The following GPHN variants were observed in gnomAD, a reference collection of about 807,000 sequenced individuals.
GPHN encodes gephyrin.
A neutral mutation model predicts 95.5 loss-of-function variants in GPHN; 17 were observed. The ratio of observed to expected loss-of-function variants is 0.18; its 90% CI spans 0.12 to 0.27. GPHN has a LOEUF of 0.27. Ranked by LOEUF, GPHN falls within the 10% of genes least tolerant of loss-of-function variation. The pLI is 1.00. For synonymous variants in GPHN, 320 were observed against 322.5 expected (o/e 0.99, Z 0.08); for missense variants, 660 against 978.1 (o/e 0.67, Z 4.34).
chr14:66,935,951 C>CTGG (rs2067110929), intron 8 of GPHN, among the ~76,000 whole-genome samples: 1 of 152,082 alleles, frequency 6.6e-6, no homozygotes, highest in Admixed American at 6.5e-5. Context: ...AGTGGCTGAA[C>CTGG]TGGTATTCAA....
intron 2 of GPHN, among the ~76,000 whole-genome samples, chr14:66,683,984 A>G (rs1469302808): frequency 6.6e-6 from 1 of 152,108 alleles, no homozygotes; most frequent in Non-Finnish European, 1.5e-5. Flanking sequence ...TCAAAAAAAA[A>G]AAAAAACTCC....
the GPHN span, among the ~76,000 whole-genome samples, chr14:67,190,400 T>C: frequency 6.6e-6 from 1 of 151,542 alleles, no homozygotes; most frequent in South Asian, 2.1e-4. Context: ...ATTTTTGTAA[T>C]ATTAGTAGAG....
the GPHN span, among the ~76,000 whole-genome samples, chr14:67,469,440 CTTTTTTTT>C: frequency 4.9e-5 from 4 of 80,864 alleles, no homozygotes; most frequent in South Asian, 5.1e-4. Flanking sequence ...CCATGCCTGG[CTTTTTTTT>C]TTTTTTTTTT....
the GPHN span, chr14:67,572,359 G>GC: frequency 1.8e-6 from 2 of 1,120,962 alleles, no homozygotes; most frequent in Non-Finnish European, 2.4e-6. Flanking sequence ...GACATAGGCA[G>GC]TAGCTGCCTG....
the GPHN span, among the ~76,000 whole-genome samples, chr14:67,244,444 G>T: frequency 6.6e-6 from 1 of 152,176 alleles, no homozygotes; most frequent in Non-Finnish European, 1.5e-5. Context: ...TGCTAATCTG[G>T]TGGATGAGAA....
chr14:67,168,015 A>G (rs1412688190), intron 20 of GPHN, among the ~76,000 whole-genome samples: 2 of 152,224 alleles, frequency 1.3e-5, no homozygotes, highest in Non-Finnish European at 2.9e-5. Flanking sequence ...TCATAACTTT[A>G]AAAGAATGTG....
intron 1 of GPHN, among the ~76,000 whole-genome samples, chr14:66,613,230 A>G (rs772493815): frequency 3.9e-5 from 6 of 152,108 alleles, no homozygotes; most frequent in Non-Finnish European, 7.4e-5. Flanking sequence ...CTTATTTACT[A>G]TATATTGTTG....
chr14:67,378,975 A>G, the GPHN span, among the ~76,000 whole-genome samples: 1 of 152,146 alleles, frequency 6.6e-6, no homozygotes, highest in South Asian at 2.1e-4. Context: ...AACCTATTGT[A>G]TCTTTTTGTA....
At chr14:67,647,319 T>C in the GPHN span, 3 of 274,360 alleles carry the variant, frequency 1.1e-5, no homozygotes, top group East Asian at 2.3e-4. Flanking sequence ...AACTGTCCCA[T>C]TCTTCCCAGC....
At chr14:67,046,898 A>G (rs973873447) in intron 10 of GPHN, among the ~76,000 whole-genome samples, 2 of 152,176 alleles carry the variant, frequency 1.3e-5, no homozygotes, top group African/African-American at 4.8e-5. Flanking sequence ...AATGCTTTGT[A>G]TATCTGAACA....
the GPHN span, chr14:67,387,361 C>G: frequency 6.2e-7 from 1 of 1,611,234 alleles, no homozygotes; most frequent in South Asian, 1.1e-5. Context: ...TCAATCCACT[C>G]GGCTCGCTCA....
intron 11 of GPHN, among the ~76,000 whole-genome samples, chr14:67,071,799 A>G (rs1017442958): frequency 3.3e-5 from 5 of 152,040 alleles, no homozygotes; most frequent in African/African-American, 4.8e-5. Flanking sequence ...AATAAAGTAT[A>G]TTATAAATAA....
chr14:66,945,311 A>G (rs1429570397), intron 8 of GPHN, among the ~76,000 whole-genome samples: 2 of 152,202 alleles, frequency 1.3e-5, no homozygotes, highest in African/African-American at 4.8e-5. Context: ...CCCACTGCAA[A>G]TGGTGCGAAC....
chr14:66,508,628 C>T (rs774021397), intron 1 of GPHN, 37 bp downstream of exon 1: 3 of 1,541,438 alleles, frequency 1.9e-6, no homozygotes, highest in Middle Eastern at 1.7e-4. Flanking sequence ...TATGAGGCTG[C>T]TGTCCCTGCA....
intron 2 of GPHN, among the ~76,000 whole-genome samples, chr14:66,743,148 T>G (rs2072939358): frequency 6.6e-6 from 1 of 152,066 alleles, no homozygotes; most frequent in Non-Finnish European, 1.5e-5. Flanking sequence ...GAGGCCTCCC[T>G]TACATCTGAG....
At chr14:66,893,249 C>G (rs768448283) in intron 5 of GPHN, among the ~76,000 whole-genome samples, 5 of 152,178 alleles carry the variant, frequency 3.3e-5, no homozygotes, top group Middle Eastern at 3.2e-3. Flanking sequence ...GTGAGTAACG[C>G]AGAAGACAGG....
intron 4 of GPHN, among the ~76,000 whole-genome samples, chr14:66,843,589 C>T (rs1044353232): frequency 3.4e-4 from 52 of 152,156 alleles, no homozygotes; most frequent in African/African-American, 1.2e-3. Context: ...TGTGTTGCCT[C>T]CTTTACAGTT....
At chr14:66,752,711 G>T (rs1025258443) in intron 2 of GPHN, among the ~76,000 whole-genome samples, 2 of 152,030 alleles carry the variant, frequency 1.3e-5, no homozygotes, top group African/African-American at 4.8e-5. Flanking sequence ...ACACAGACGT[G>T]AAGTGAGCAC....
the GPHN span, among the ~76,000 whole-genome samples, chr14:67,637,410 CAAAAAAA>C: frequency 0.25 from 25,962 of 103,764 alleles, 3,048 homozygotes; most frequent in Non-Finnish European, 0.33. Flanking sequence ...GACTCTGTCT[CAAAAAAA>C]AAAAAAAAAA....
Sources: gnomAD v4.1 joint callset for allele counts (sites outside exome capture counted in the v4.1 genomes callset) on GRCh38, gnomAD v4.1.1 for gene constraint, MANE v1.5 for transcripts, NCBI Gene and HGNC (gene_info 2026-07-23, HGNC 2026-07-21) for gene names.